Variants in SNX2 observed in about 807,000 individuals in gnomAD.
SNX2 encodes sorting nexin 2.
A neutral mutation model predicts 69.9 loss-of-function variants in SNX2; 25 were observed. The observed-to-expected ratio is 0.36, with a 90% CI of 0.26 to 0.50. The LOEUF is 0.50. SNX2 is among the 20% of genes least tolerant of loss of function. The pLI is 0.97. For synonymous variants in SNX2, 229 were observed against 200.4 expected (o/e 1.14, Z -1.20); for missense variants, 551 against 613.3 (o/e 0.90, Z 1.07).
chr5:122,822,635 C>T (rs1234468482), intron 11 of SNX2, among the ~76,000 whole-genome samples: 5 of 152,120 alleles, frequency 3.3e-5, no homozygotes, highest in Non-Finnish European at 5.9e-5. Context: ...AAAATATTGC[C>T]TAAGCCTGGC....
rs58159922 is a variant in SNX2, at chr5:122,831,009, CAAAAAAAAA to C, written c.*1377_*1385del. On this transcript the variant is annotated 3_prime_UTR_variant, in exon 15 of 15. Coordinates refer to ENST00000379516, the MANE Select transcript of SNX2 (RefSeq NM_003100.4). ...AGGCAACAAAAGCAAAACTCCATCT[CAAAAAAAAA>C]AAAAAAAAAAAAAAAGATGACTGGT... Among the ~76,000 whole-genome samples, 42 of 63,010 alleles carry C rather than the reference CAAAAAAAAA, an allele frequency of 6.7e-4. No individual in the cohort carries two copies. Among genetic ancestry groups the C allele is most frequent in the Admixed American group, 1.9e-3 (9 of 4,798 alleles). 41.3% of individuals were successfully genotyped at this position (63,010 alleles called of 152,430 possible). A position where few individuals can be genotyped will look rare whatever the true frequency, so the allele number is the denominator to read the frequency against.
At chr5:122,803,434 G>C in intron 5 of SNX2, 38 bp from the exon 6 acceptor site, 1 of 1,570,106 alleles carries the variant, frequency 6.4e-7, no homozygotes, top group Non-Finnish European at 8.6e-7. Context: ...ATAATTGCTT[G>C]CTATTCAAAA....
chr5:122,831,088 C>A lies in SNX2; in HGVS notation c.*1440C>A, dbSNP rs1417224885. Among the ~76,000 whole-genome samples, 1 of 151,616 alleles carries A rather than the reference C, an allele frequency of 6.6e-6. No individual in the cohort carries two copies. The highest frequency in any genetic ancestry group is 1.5e-5 in the Non-Finnish European group (1 of 67,986). On this transcript the variant is annotated 3_prime_UTR_variant, in exon 15 of 15. Transcript: ENST00000379516. The stretch of plus-strand genomic sequence containing the variant: ...TTTAAAAAATATTCTTACAAACACC[C>A]CTCTTCTTGAGCTTAACCACCACAT...
intron 1 of SNX2, among the ~76,000 whole-genome samples, chr5:122,777,467 C>T (rs1394792042): frequency 6.6e-6 from 1 of 152,102 alleles, no homozygotes; most frequent in African/African-American, 2.4e-5. Context: ...ACTACTTAAA[C>T]CATAAAATCA....
chr5:122,776,934 A>G lies in SNX2; in HGVS notation c.108+1723A>G, dbSNP rs539387178. On this transcript the variant is annotated intron_variant, in intron 1 of 14. Transcript: ENST00000379516. The stretch of plus-strand genomic sequence containing the variant: ...TTGGTTAACGCACTGTAAAAGTTGT[A>G]AACACATTTGTTTTTGATTATTCAT... Among the ~76,000 whole-genome samples, 4 of 152,348 alleles carry G rather than the reference A, an allele frequency of 2.6e-5. No homozygotes were observed. In the South Asian group the frequency reaches 8.3e-4, roughly 32 times the overall value.
chr5:122,801,429 A>AC (rs774171797), intron 3 of SNX2, among the ~76,000 whole-genome samples: 13 of 151,926 alleles, frequency 8.6e-5, no homozygotes, highest in Admixed American at 2.0e-4. Flanking sequence ...ACATGGTGAA[A>AC]CCCCGTCTCT....
intron 3 of SNX2, 23 bp from the exon 4 acceptor site, chr5:122,801,846 A>G: frequency 7.0e-7 from 1 of 1,437,152 alleles, no homozygotes; most frequent in Non-Finnish European, 9.6e-7. Context: ...TTTTAATGCC[A>G]AAAAATAATT....
At chr5:122,775,768 T>C (rs964624218) in intron 1 of SNX2, 5 of 985,434 alleles carry the variant, frequency 5.1e-6, no homozygotes, top group Non-Finnish European at 6.0e-6. Context: ...AATAGGTAAA[T>C]GCATTTGCCT....
chr5:122,798,897 T>C (rs1190976445), intron 2 of SNX2, among the ~76,000 whole-genome samples: 1 of 152,214 alleles, frequency 6.6e-6, no homozygotes, highest in East Asian at 1.9e-4. Flanking sequence ...AACATTCTTT[T>C]CATTGTTTGC....
chr5:122,782,400 A>C (rs1179556243), intron 1 of SNX2, among the ~76,000 whole-genome samples: 5 of 151,480 alleles, frequency 3.3e-5, no homozygotes, highest in African/African-American at 9.7e-5. Context: ...CCCCACGCCC[A>C]GCTAATTTTT....
In SNX2 at chr5:122,818,924, G is replaced by A. The variant is rs1160603902; in HGVS notation, c.1113G>A (p.Glu371=). Residue 371 remains glutamate (E), a synonymous_variant, in exon 11 of 15, where the codon GAG becomes GAA. Transcript: ENST00000379516. ...CTTTGTCTCAGCTTGCAGAGGTTGA[G>A]GAGAAGATAGACCAGTTACATCAAG... The part of the protein sequence containing the change: ...SRALSQLAEV[E]EKIDQLHQEQ... 1 of 1,613,942 alleles carries A rather than the reference G, an allele frequency of 6.2e-7. No individual in the cohort carries two copies. Among genetic ancestry groups the A allele is most frequent in the South Asian group, 1.1e-5 (1 of 91,072 alleles).
intron 7 of SNX2, among the ~76,000 whole-genome samples, chr5:122,810,442 C>T (rs1478858500): frequency 6.7e-6 from 1 of 148,348 alleles, no homozygotes; most frequent in African/African-American, 2.5e-5. Flanking sequence ...AGATAATGGT[C>T]TGCCTTGATT....
chr5:122,789,802 A>G (rs1195824031), intron 1 of SNX2, among the ~76,000 whole-genome samples: 1 of 152,210 alleles, frequency 6.6e-6, no homozygotes, highest in Non-Finnish European at 1.5e-5. Context: ...TAGAGAAAAG[A>G]GGAAAGGAAT....
chr5:122,820,857 T>A (rs1445287286), intron 11 of SNX2, among the ~76,000 whole-genome samples: 3 of 152,168 alleles, frequency 2.0e-5, no homozygotes, highest in Non-Finnish European at 4.4e-5. Context: ...AGAAAACAAA[T>A]TTTAATCCAG....
In SNX2 at chr5:122,803,518, G is replaced by C; in HGVS notation, c.548G>C (p.Arg183Thr). The change falls in exon 6 of 15, where the codon AGA (arginine) becomes ACA (threonine). Residue 183 changes from arginine to threonine, a missense_variant. Transcript: ENST00000379516. ...FSKSEFSVKR[R>T]FSDFLGLHSK... ...AAGAGTGAATTTTCAGTGAAAAGAAGATTCAGCGACTTTCTTGGTTTGCAC... is the reference window on the plus strand; with the variant it reads ...AAGAGTGAATTTTCAGTGAAAAGAACATTCAGCGACTTTCTTGGTTTGCAC... 6.2e-7 allele frequency: 1 copy of C among 1,612,488 alleles called. No individual in the cohort carries two copies. Among genetic ancestry groups the C allele is most frequent in the Non-Finnish European group, 8.5e-7 (1 of 1,179,486 alleles).
chr5:122,807,288 G>C (rs1306193138), intron 6 of SNX2, among the ~76,000 whole-genome samples: 1 of 152,008 alleles, frequency 6.6e-6, no homozygotes, highest in Non-Finnish European at 1.5e-5. Flanking sequence ...AGGGTATCCA[G>C]TTCACTGGCT....
chr5:122,833,487 AG>A lies in SNX2; in HGVS notation c.*3840del, dbSNP rs137906743. On this transcript the variant is annotated 3_prime_UTR_variant, in exon 15 of 15. Transcript: ENST00000379516. ...TTTAATATGTAATCCAATATATTGA[AG>A]TTATAAGATATTTTACATTCTTTTT... 8.3e-3 allele frequency: 1,261 copies of A among 152,276 alleles called. 18 individuals are homozygous for A. The highest frequency in any genetic ancestry group is 0.029 in the African/African-American group (1,195 of 41,558). The allele number at this position is 152,276 out of a possible 1,614,324, so 9.4% of individuals were successfully genotyped here.
chr5:122,829,595 C>T lies in SNX2; in HGVS notation c.1510-3C>T. 4.4e-6 allele frequency: 7 copies of T among 1,607,568 alleles called. No individual in the cohort carries two copies. The highest frequency in any genetic ancestry group is 6.0e-6 in the Non-Finnish European group (7 of 1,174,206). On this transcript the variant is annotated splice_polypyrimidine_tract_variant and splice_region_variant and intron_variant, in intron 14 of 14. Coordinates refer to ENST00000379516, the MANE Select transcript of SNX2 (RefSeq NM_003100.4). ...TAACTTATATTTTAATTATCATTCACAGCTGATAAAATACTGGGAAGCATT... is the reference window on the plus strand; with the variant it reads ...TAACTTATATTTTAATTATCATTCATAGCTGATAAAATACTGGGAAGCATT...
At chr5:122,810,729 C>A (rs1753754961) in intron 7 of SNX2, among the ~76,000 whole-genome samples, 1 of 151,990 alleles carries the variant, frequency 6.6e-6, no homozygotes, top group South Asian at 2.1e-4. Flanking sequence ...AAGACACTTT[C>A]TTTACTGATA....
Sources: gnomAD v4.1 joint callset for allele counts (sites outside exome capture counted in the v4.1 genomes callset) on GRCh38, gnomAD v4.1.1 for gene constraint, MANE v1.5 for transcripts, NCBI Gene and HGNC (gene_info 2026-07-23, HGNC 2026-07-21) for gene names.